The following AFF3 variants were observed in gnomAD, a reference collection of about 807,000 sequenced individuals.
The protein encoded by AFF3 is ALF transcription elongation factor 3.
AFF3 carries 32 observed loss-of-function variants against 129.7 expected under a neutral mutation model. The observed-to-expected ratio is 0.25, with a 90% CI of 0.19 to 0.33. The LOEUF is 0.33. Ranked by LOEUF, AFF3 falls within the 10% of genes least tolerant of loss-of-function variation. The probability of loss-of-function intolerance (pLI) is 1.00; values close to 1 mark genes in which losing one functional copy is unlikely to be tolerated. For missense variants in AFF3, 1,373 were observed against 1,592.0 expected (o/e 0.86, Z 2.34); for synonymous variants, 644 against 635.4 (o/e 1.01, Z -0.20).
intron 8 of AFF3, among the ~76,000 whole-genome samples, chr2:99,814,112 T>C (rs552889713): frequency 7.9e-5 from 12 of 152,176 alleles, no homozygotes; most frequent in Non-Finnish European, 1.5e-4. Flanking sequence ...AAAGAAACTT[T>C]CTTGGGGGAA....
intron 7 of AFF3, among the ~76,000 whole-genome samples, chr2:99,980,927 C>T (rs1015380214): frequency 1.1e-4 from 17 of 152,094 alleles, no homozygotes; most frequent in African/African-American, 3.9e-4. Flanking sequence ...TGGGATCATC[C>T]TCTATATATT....
intron 8 of AFF3, among the ~76,000 whole-genome samples, chr2:99,808,014 CATAGG>C (rs1388157476): frequency 6.6e-6 from 1 of 151,890 alleles, no homozygotes; most frequent in Non-Finnish European, 1.5e-5. Flanking sequence ...TACCCATCAC[CATAGG>C]GTAGGAATCC....
chr2:100,027,004 A>G (rs956119321), intron 4 of AFF3, among the ~76,000 whole-genome samples: 2 of 152,018 alleles, frequency 1.3e-5, no homozygotes, highest in African/African-American at 4.8e-5. Flanking sequence ...TGATGAGTAC[A>G]CAAAATCTCA....
intron 4 of AFF3, among the ~76,000 whole-genome samples, chr2:100,103,759 C>G (rs1484029064): frequency 1.3e-5 from 2 of 151,724 alleles, no homozygotes; most frequent in South Asian, 2.1e-4. Context: ...GCAACTGTGA[C>G]GAGGTGTGAA....
chr2:99,921,210 A>G (rs1019207408), intron 7 of AFF3, among the ~76,000 whole-genome samples: 1 of 152,186 alleles, frequency 6.6e-6, no homozygotes, highest in Non-Finnish European at 1.5e-5. Flanking sequence ...CAACTCTGTA[A>G]CATTCATTCT....
chr2:99,807,971 T>C (rs1350839859), intron 8 of AFF3, among the ~76,000 whole-genome samples: 2 of 152,146 alleles, frequency 1.3e-5, no homozygotes, highest in Admixed American at 6.6e-5. Context: ...GTCAATCTCA[T>C]CTGTTCATTG....
At chr2:99,644,520 T>C (rs138563284) in intron 13 of AFF3, among the ~76,000 whole-genome samples, 304 of 152,360 alleles carry the variant, frequency 2.0e-3, no homozygotes, top group African/African-American at 6.7e-3. Context: ...CTATAAAGCA[T>C]GCCTGCTCGC....
intron 4 of AFF3, among the ~76,000 whole-genome samples, chr2:100,058,404 A>G (rs1157766006): frequency 6.6e-6 from 1 of 152,220 alleles, no homozygotes; most frequent in Non-Finnish European, 1.5e-5. Context: ...ATCATGAAAA[A>G]AGCAAAAATA....
At chr2:100,041,445 TAG>T (rs1259673727) in intron 4 of AFF3, among the ~76,000 whole-genome samples, 2 of 152,350 alleles carry the variant, frequency 1.3e-5, no homozygotes, top group Admixed American at 1.3e-4. Context: ...GAAGCTGAGC[TAG>T]AGTTTATGCT....
rs141657634 is a variant in AFF3, at chr2:100,025,011, C to T, written c.54-16079G>A. On this transcript the variant is annotated intron_variant, in intron 4 of 24. Coordinates refer to ENST00000672756, the MANE Select transcript of AFF3 (RefSeq NM_001386135.1). ...ACAAAGCATTATGTTTTAAAAATAT[C>T]GACAGTGTAAGTTTTAATTTGTTCT... Among the ~76,000 whole-genome samples, 1,235 of 152,118 alleles carry T rather than the reference C, an allele frequency of 8.1e-3. 9 individuals carry two copies. Among genetic ancestry groups the T allele is most frequent in the Non-Finnish European group, 0.013 (881 of 67,994 alleles).
chr2:99,951,101 C>T (rs1326005273), intron 7 of AFF3, among the ~76,000 whole-genome samples: 1 of 152,136 alleles, frequency 6.6e-6, no homozygotes, highest in Non-Finnish European at 1.5e-5. Context: ...CATTTTTAAA[C>T]ATTCTAATTG....
chr2:99,879,182 T>A (rs370795062), intron 7 of AFF3, among the ~76,000 whole-genome samples: 4 of 152,314 alleles, frequency 2.6e-5, no homozygotes, highest in Non-Finnish European at 5.9e-5. Context: ...AGATACCTAT[T>A]ATTTATGCTT....
intron 7 of AFF3, among the ~76,000 whole-genome samples, chr2:100,003,781 C>G (rs1559048108): frequency 6.6e-6 from 1 of 152,058 alleles, no homozygotes; most frequent in East Asian, 1.9e-4. Flanking sequence ...TCAAAATTTC[C>G]AAATTTTTAA....
intron 11 of AFF3, among the ~76,000 whole-genome samples, chr2:99,696,404 C>G (rs1676271041): frequency 1.3e-5 from 2 of 152,156 alleles, no homozygotes; most frequent in Admixed American, 1.3e-4. Flanking sequence ...ACTTCTATTA[C>G]TCAAACTCTG....
intron 8 of AFF3, among the ~76,000 whole-genome samples, chr2:99,781,171 T>G (rs560830485): frequency 2.3e-4 from 35 of 152,302 alleles, no homozygotes; most frequent in African/African-American, 8.2e-4. Flanking sequence ...TACTGTTCCC[T>G]TGGCCTGTCC....
In AFF3 at chr2:99,935,330, C is replaced by G. The variant is rs560303316; in HGVS notation, c.873+71302G>C. On this transcript the variant is annotated intron_variant, in intron 7 of 24. Coordinates refer to ENST00000672756, the MANE Select transcript of AFF3 (RefSeq NM_001386135.1). ...CATGTCACTTTCGGAAGAACCCCTT[C>G]TTACTGTGCTTAGCCAAACAATTTA... Among the ~76,000 whole-genome samples, 21 of 152,340 alleles carry G rather than the reference C, an allele frequency of 1.4e-4. 1 individual carries two copies. The highest frequency in any genetic ancestry group is 3.4e-3 in the Middle Eastern group (1 of 294).
At chr2:99,632,510 G>A (rs1683219760) in intron 13 of AFF3, among the ~76,000 whole-genome samples, 1 of 152,132 alleles carries the variant, frequency 6.6e-6, no homozygotes, top group Non-Finnish European at 1.5e-5. Flanking sequence ...TCCGTCCAGG[G>A]CATCACACGG....
chr2:99,627,943 C>T (rs1177546486), intron 13 of AFF3, among the ~76,000 whole-genome samples: 1 of 3,606 alleles, frequency 2.8e-4, no homozygotes, highest in African/African-American at 2.3e-3. Context: ...GTACCAGTAC[C>T]CATGTTGTTT....
intron 8 of AFF3, among the ~76,000 whole-genome samples, chr2:99,802,494 C>G (rs1686016911): frequency 6.6e-6 from 1 of 152,060 alleles, no homozygotes; most frequent in Non-Finnish European, 1.5e-5. Flanking sequence ...GACCCTGTCT[C>G]TACAAAAAAT....
Sources: gnomAD v4.1 joint callset for allele counts (sites outside exome capture counted in the v4.1 genomes callset) on GRCh38, gnomAD v4.1.1 for gene constraint, MANE v1.5 for transcripts, NCBI Gene and HGNC (gene_info 2026-07-23, HGNC 2026-07-21) for gene names.